Variants in CA12 observed in about 807,000 individuals in gnomAD.
CA12 encodes the protein carbonate dehydratase XII.
CA12 carries 36 observed loss-of-function variants against 46.8 expected under a neutral mutation model. The observed-to-expected ratio is 0.77, with a 90% CI of 0.59 to 1.02. The LOEUF (loss-of-function observed/expected upper bound fraction) is 1.02. Among genes scored for constraint, CA12 ranks in the 50% least tolerant of loss-of-function variants. CA12 has a pLI of 0.00. For synonymous variants in CA12, 202 were observed against 187.0 expected, an observed-to-expected ratio of 1.08 and a Z score of -0.65; for missense variants, 436 against 451.4, an observed-to-expected ratio of 0.97 and a Z score of 0.31.
intron 2 of CA12, among the ~76,000 whole-genome samples, chr15:63,361,646 C>A (rs1469612397): frequency 6.6e-6 from 1 of 152,130 alleles, no homozygotes; most frequent in Non-Finnish European, 1.5e-5. Flanking sequence ...AAAGAGGAAC[C>A]AGAGCATGCC....
At position 63,345,934 on chromosome 15, in the gene CA12, G is replaced by T. The variant is rs1567045946; in HGVS notation, c.287-315C>A. On this transcript the variant is annotated intron_variant, in intron 3 of 10. Coordinates refer to ENST00000178638, the MANE Select transcript of CA12 (RefSeq NM_001218.5). The surrounding 1 kb of genome is among the most constrained non-coding windows in gnomAD (Gnocchi z 4.3). ...TGTTTATTTACATATTGATGGATCAGACACCTTTAGTGAAGTACCTTCCAA... is the reference window on the plus strand; with the variant it reads ...TGTTTATTTACATATTGATGGATCATACACCTTTAGTGAAGTACCTTCCAA... 6.6e-6 allele frequency among the ~76,000 whole-genome samples: 1 copy of T among 152,236 alleles called. No homozygotes were observed. The highest frequency in any genetic ancestry group is 1.9e-4 in the East Asian group (1 of 5,200).
chr15:63,336,027 C>T (rs1284471575), intron 8 of CA12, among the ~76,000 whole-genome samples: 1 of 152,186 alleles, frequency 6.6e-6, no homozygotes, highest in Non-Finnish European at 1.5e-5. Flanking sequence ...TAATCAGCCT[C>T]CAGATGGACA....
chr15:63,337,517 T>C (rs1223883608), intron 8 of CA12, among the ~76,000 whole-genome samples: 1 of 152,160 alleles, frequency 6.6e-6, no homozygotes, highest in East Asian at 1.9e-4. Context: ...AGTGCAGTGG[T>C]GTGATCTCGG....
At chr15:63,326,474 C>A in intron 10 of CA12, 117 bp from the exon 11 acceptor site, 1 of 781,146 alleles carries the variant, frequency 1.3e-6, no homozygotes, top group Non-Finnish European at 2.3e-6. Flanking sequence ...CTCTTTGGGA[C>A]CTTTCCCCAA....
At chr15:63,377,675 T>C (rs1440586422) in intron 1 of CA12, among the ~76,000 whole-genome samples, 1 of 152,236 alleles carries the variant, frequency 6.6e-6, no homozygotes, top group African/African-American at 2.4e-5. Context: ...TTCCCTGACA[T>C]TCCCTAACCA....
rs924488961 is a variant in CA12 at position 63,348,571 on chromosome 15, C to T, written c.107-1862G>A. Among the ~76,000 whole-genome samples, 1 of 152,240 alleles carries T rather than the reference C, an allele frequency of 6.6e-6. No homozygotes were observed. The highest frequency in any genetic ancestry group is 1.5e-5 in the Non-Finnish European group (1 of 68,036). ...CTCACAATACTGCCTGGGCCCACAG[C>T]CAGCAGGGCGGAAGCTGCCAGCCAG... On this transcript the variant is annotated intron_variant, in intron 2 of 10. Transcript: ENST00000178638. This position sits in a 1 kb window ranked among gnomAD's most constrained non-coding sequence, Gnocchi z 4.6.
At chr15:63,364,975 G>C (rs1042663215) in intron 2 of CA12, among the ~76,000 whole-genome samples, 12 of 152,164 alleles carry the variant, frequency 7.9e-5, no homozygotes, top group African/African-American at 2.9e-4. Context: ...TTGCGACAGG[G>C]TCTCTCTCTG....
In CA12 at chr15:63,342,104, TG is replaced by T; in HGVS notation, c.430-8del. Reference sequence around the variant, plus strand: ...TATAATGGACAATGTGCAGCTGCAGTGGGGGAGAAGCCACCCATTAGGAGAT... The same window carrying T: ...TATAATGGACAATGTGCAGCTGCAGTGGGGAGAAGCCACCCATTAGGAGAT... On this transcript the variant is annotated splice_region_variant and splice_polypyrimidine_tract_variant and intron_variant, in intron 4 of 10. Coordinates refer to ENST00000178638, the MANE Select transcript of CA12 (RefSeq NM_001218.5). The T allele has an allele frequency of 6.4e-7, 1 of 1,572,826 alleles. No homozygotes were observed.
rs761764973 is a variant in CA12, at chr15:63,346,525, C to T, written c.286+5G>A. ...CCCCTCAGGTCTCCAAGGCCTCTCC[C>T]TCACCTGAATGGCCATTGTTGGTCA... is the stretch of plus-strand genomic sequence containing the variant. On this transcript the variant is annotated splice_donor_5th_base_variant and intron_variant, in intron 3 of 10. Coordinates refer to ENST00000178638, the MANE Select transcript of CA12 (RefSeq NM_001218.5). 5 of 1,613,786 alleles carry T rather than the reference C, an allele frequency of 3.1e-6. No individual in the cohort carries two copies. The highest frequency in any genetic ancestry group is 4.2e-6 in the Non-Finnish European group (5 of 1,179,864).
chr15:63,357,370 T>C (rs745804592), intron 2 of CA12, among the ~76,000 whole-genome samples: 6 of 152,180 alleles, frequency 3.9e-5, no homozygotes, highest in Non-Finnish European at 5.9e-5. Context: ...GGAACCACAT[T>C]TGGAGAATCC....
intron 2 of CA12, among the ~76,000 whole-genome samples, chr15:63,352,646 C>T (rs952160329): frequency 9.2e-5 from 14 of 152,024 alleles, no homozygotes; most frequent in Non-Finnish European, 1.6e-4. Context: ...CTCTTTGGGC[C>T]GGCTACCAAC....
In CA12 at chr15:63,323,171, G is replaced by C. The variant is rs1236922222; in HGVS notation, c.*3114C>G. 2 of 152,210 alleles carry C rather than the reference G, an allele frequency of 1.3e-5. No homozygotes were observed. The highest frequency in any genetic ancestry group is 2.9e-5 in the Non-Finnish European group (2 of 68,044). The allele number at this position is 152,210 out of a possible 1,614,324, so 9.4% of individuals were successfully genotyped here. A position where few individuals can be genotyped will look rare whatever the true frequency, so the allele number is the denominator to read the frequency against. ...TAAAGAGACATAGGACCTGTTCCCT[G>C]TATCATGTCCCCTTGGTTGGGAACA... On this transcript the variant is annotated 3_prime_UTR_variant, in exon 11 of 11. Transcript: ENST00000178638. This position sits in a 1 kb window ranked among gnomAD's most constrained non-coding sequence, Gnocchi z 5.1.
chr15:63,349,498 C>T (rs1259913934), intron 2 of CA12, among the ~76,000 whole-genome samples: 1 of 152,160 alleles, frequency 6.6e-6, no homozygotes, highest in Non-Finnish European at 1.5e-5. Context: ...TGTAGGTCAG[C>T]AAGGTCAAGA....
chr15:63,374,029 C>G lies in CA12; in HGVS notation c.106+1629G>C, dbSNP rs2039540407. Reference sequence around the variant, plus strand: ...GAACGGGGTTTCTCCACAGGCCAAACACCTTCCTGCCTCCCTCCATCCTTC... The same window carrying G: ...GAACGGGGTTTCTCCACAGGCCAAAGACCTTCCTGCCTCCCTCCATCCTTC... On this transcript the variant is annotated intron_variant, in intron 2 of 10. Coordinates refer to ENST00000178638, the MANE Select transcript of CA12 (RefSeq NM_001218.5). The surrounding 1 kb of genome is among the most constrained non-coding windows in gnomAD (Gnocchi z 4.4). 6.6e-6 allele frequency among the ~76,000 whole-genome samples: 1 copy of G among 152,164 alleles called. No individual in the cohort carries two copies. The highest frequency in any genetic ancestry group is 2.4e-5 in the African/African-American group (1 of 41,424).
intron 2 of CA12, among the ~76,000 whole-genome samples, chr15:63,364,341 A>AAAAC (rs1555431582): frequency 2.0e-5 from 3 of 148,830 alleles, no homozygotes; most frequent in African/African-American, 7.4e-5. Flanking sequence ...AGAAAAAAAA[A>AAAAC]AAAAAAAAAA....
chr15:63,356,422 CAG>C, intron 2 of CA12, among the ~76,000 whole-genome samples: 1 of 152,216 alleles, frequency 6.6e-6, no homozygotes, highest in African/African-American at 2.4e-5. Flanking sequence ...ATATACATAA[CAG>C]AGCTTTTTCA....
chr15:63,364,171 C>G lies in CA12; in HGVS notation c.106+11487G>C, dbSNP rs185017319. Among the ~76,000 whole-genome samples, 231 of 150,064 alleles carry G rather than the reference C, an allele frequency of 1.5e-3. 1 individual carries two copies. The highest frequency in any genetic ancestry group is 5.1e-3 in the African/African-American group (209 of 40,824). ...CAGCCTGGGCAACAAGAGTAAAACT[C>G]TGTCTCAAAAAAAAAGTGGGGGGGC... On this transcript the variant is annotated intron_variant, in intron 2 of 10. Coordinates refer to ENST00000178638, the MANE Select transcript of CA12 (RefSeq NM_001218.5).
intron 1 of CA12, among the ~76,000 whole-genome samples, chr15:63,380,869 A>C (rs1299479121): frequency 1.3e-5 from 2 of 152,182 alleles, no homozygotes; most frequent in African/African-American, 4.8e-5. Flanking sequence ...TTGGCTGTAC[A>C]CGTGTTAGCT....
chr15:63,361,422 G>A (rs938053638), intron 2 of CA12, among the ~76,000 whole-genome samples: 1 of 152,094 alleles, frequency 6.6e-6, no homozygotes, highest in Non-Finnish European at 1.5e-5. Context: ...GCCCTTCAGG[G>A]GACATTGGCA....
Sources: allele counts gnomAD v4.1 joint callset (sites outside exome capture counted in the v4.1 genomes callset), GRCh38; gene constraint gnomAD v4.1.1; non-coding constraint Gnocchi (gnomAD v3.1); transcripts MANE v1.5; gene names NCBI Gene and HGNC (gene_info 2026-07-23, HGNC 2026-07-21).